The following ITSN1 variants were observed in gnomAD, a reference collection of about 807,000 sequenced individuals.
The protein encoded by ITSN1 is intersectin 1, also known as intersectin-1.
A neutral mutation model predicts 239.8 loss-of-function variants in ITSN1; 58 were observed. The observed-to-expected ratio is 0.24, with a 90% CI of 0.20 to 0.30. The LOEUF (loss-of-function observed/expected upper bound fraction) is 0.30. Ranked by LOEUF, ITSN1 falls within the 10% of genes least tolerant of loss-of-function variation. ITSN1 has a pLI of 1.00. For synonymous variants in ITSN1, 780 were observed against 770.8 expected, an observed-to-expected ratio of 1.01 and a Z score of -0.20; for missense variants, 1,558 against 2,103.3, an observed-to-expected ratio of 0.74 and a Z score of 5.07.
At chr21:33,748,058 C>T (rs1432946783) in intron 5 of ITSN1, among the ~76,000 whole-genome samples, 1 of 152,088 alleles carries the variant, frequency 6.6e-6, no homozygotes, top group African/African-American at 2.4e-5. Context: ...AGTAATAGCA[C>T]AGAAGAGGAG....
In ITSN1 at chr21:33,767,308, G is replaced by T. The variant is rs985407029; in HGVS notation, c.927-405G>T. ...TTCTTAGGGGGTGAAATGGAGAGAT[G>T]GGAAAGGGAAGAGAGATGCTCCTAG... On this transcript the variant is annotated intron_variant, in intron 10 of 39. Transcript: ENST00000381318. Among the ~76,000 whole-genome samples the T allele has an allele frequency of 2.6e-5, 4 of 152,166 alleles. No individual in the cohort carries two copies. In the South Asian group the frequency reaches 8.3e-4, roughly 32 times the overall value.
intron 1 of ITSN1, among the ~76,000 whole-genome samples, chr21:33,717,643 T>A (rs892400990): frequency 5.6e-4 from 85 of 151,418 alleles, no homozygotes; most frequent in Non-Finnish European, 2.9e-5. Context: ...GCAAGCTCCA[T>A]CTCCTGGGTT....
chr21:33,739,159 A>G (rs1334093770), intron 5 of ITSN1, among the ~76,000 whole-genome samples: 2 of 152,188 alleles, frequency 1.3e-5, no homozygotes, highest in African/African-American at 4.8e-5. Context: ...AGTCTGAACA[A>G]TGATTTTGTT....
chr21:33,721,529 CT>C (rs2147095287), intron 3 of ITSN1, among the ~76,000 whole-genome samples: 1 of 152,240 alleles, frequency 6.6e-6, no homozygotes, highest in South Asian at 2.1e-4. Flanking sequence ...GGACCAATGG[CT>C]CACACCTGTA....
chr21:33,847,623 G>A (rs1408952801), intron 29 of ITSN1, among the ~76,000 whole-genome samples: 1 of 152,174 alleles, frequency 6.6e-6, no homozygotes, highest in African/African-American at 2.4e-5. Context: ...GTGGCCTGAG[G>A]TGCAGCTTCA....
At chr21:33,860,592 C>T (rs562612509) in intron 31 of ITSN1, among the ~76,000 whole-genome samples, 1 of 152,262 alleles carries the variant, frequency 6.6e-6, no homozygotes, top group African/African-American at 2.4e-5. Context: ...TTCCTCCTGT[C>T]GGCTCTGACT....
chr21:33,760,770 T>C (rs1415110430), intron 8 of ITSN1, among the ~76,000 whole-genome samples: 2 of 152,184 alleles, frequency 1.3e-5, no homozygotes, highest in Admixed American at 1.3e-4. Flanking sequence ...CAAAAACATA[T>C]ACACCAGAAT....
rs748146183 is a variant in ITSN1, at chr21:33,818,332, C to T, written c.2793C>T (p.His931=). ...CTTGGAGAGCCAAAAAAGACAACCA[C>T]TTAAATTTTAACAAAAATGATGTCA... is the stretch of plus-strand genomic sequence containing the variant. The part of the protein sequence containing the change: ...LYPWRAKKDN[H]LNFNKNDVIT... The change falls in exon 23 of 40, where the codon CAC becomes CAT. Residue 931 remains histidine (H), a synonymous_variant. Coordinates refer to ENST00000381318, the MANE Select transcript of ITSN1 (RefSeq NM_003024.3). The T allele has an allele frequency of 1.2e-6, 2 of 1,614,202 alleles. No homozygotes were observed. The highest frequency in any genetic ancestry group is 2.2e-5 in the South Asian group (2 of 91,088).
At position 33,885,543 on chromosome 21, in the gene ITSN1, C is replaced by T. The variant is rs201255657; in HGVS notation, c.4843+21C>T. 2.8e-4 allele frequency: 453 copies of T among 1,604,808 alleles called. 1 individual carries two copies. The highest frequency in any genetic ancestry group is 3.5e-4 in the Non-Finnish European group (411 of 1,171,760). On this transcript the variant is annotated intron_variant, in intron 38 of 39. Transcript: ENST00000381318. Reference sequence around the variant, plus strand: ...ACATGGTAAGGCTGTGAGGCGCCCCCGGCTCCTGCTTTGGGGTTGGGAGTA... The same window carrying T: ...ACATGGTAAGGCTGTGAGGCGCCCCTGGCTCCTGCTTTGGGGTTGGGAGTA...
At position 33,642,580 on chromosome 21, in the gene ITSN1, G is replaced by T. The variant is rs1287343013; in HGVS notation, c.-166G>T. On this transcript the variant is annotated 5_prime_UTR_variant, in exon 1 of 40. Coordinates refer to ENST00000381318, the MANE Select transcript of ITSN1 (RefSeq NM_003024.3). Reference sequence around the variant, plus strand: ...ACGGCGGCTCGCGAGGAAGAATCCCGAGCGGGCTCCGGGACGGACAGAGAG... The same window carrying T: ...ACGGCGGCTCGCGAGGAAGAATCCCTAGCGGGCTCCGGGACGGACAGAGAG... 1 of 153,220 alleles carries T rather than the reference G, an allele frequency of 6.5e-6. No homozygotes were observed. Among genetic ancestry groups the T allele is most frequent in the Non-Finnish European group, 1.5e-5 (1 of 68,544 alleles). 9.5% of individuals were successfully genotyped at this position (153,220 alleles called of 1,614,324 possible). A position where few individuals can be genotyped will look rare whatever the true frequency, so the allele number is the denominator to read the frequency against.
chr21:33,870,285 GA>G (rs1399453749), intron 33 of ITSN1, among the ~76,000 whole-genome samples: 1 of 152,080 alleles, frequency 6.6e-6, no homozygotes, highest in Non-Finnish European at 1.5e-5. Context: ...ATTGCAAATT[GA>G]AGTTGAAAAC....
chr21:33,705,989 TCAAA>T (rs1415816830), intron 1 of ITSN1, among the ~76,000 whole-genome samples: 1 of 152,176 alleles, frequency 6.6e-6, no homozygotes, highest in East Asian at 1.9e-4. Context: ...TTCATACAAA[TCAAA>T]CACTGATGTC....
chr21:33,879,756 T>G (rs1297796083), intron 34 of ITSN1, among the ~76,000 whole-genome samples: 1 of 152,148 alleles, frequency 6.6e-6, no homozygotes, highest in African/African-American at 2.4e-5. Flanking sequence ...CTCGGCTCAC[T>G]GCAACCTCCA....
At position 33,897,643 on chromosome 21, in the gene ITSN1, A is replaced by C. The variant is rs1276266978; in HGVS notation, c.*9343A>C. The C allele has an allele frequency of 2.6e-5, 4 of 152,250 alleles. No homozygotes were observed. The highest frequency in any genetic ancestry group is 9.6e-5 in the African/African-American group (4 of 41,460). 9.4% of individuals were successfully genotyped at this position (152,250 alleles called of 1,614,324 possible). On this transcript the variant is annotated 3_prime_UTR_variant, in exon 40 of 40. Coordinates refer to ENST00000381318, the MANE Select transcript of ITSN1 (RefSeq NM_003024.3). ...GGTATGTAAGAGGCCATGCTGTTAA[A>C]TGTTGCATAAACTAACACAGATTCT... is the stretch of plus-strand genomic sequence containing the variant.
chr21:33,779,556 A>G (rs1015083369), intron 14 of ITSN1, among the ~76,000 whole-genome samples: 1 of 152,150 alleles, frequency 6.6e-6, no homozygotes, highest in Non-Finnish European at 1.5e-5. Context: ...CAGTTAGATC[A>G]AGTTGATTCA....
At chr21:33,676,546 T>A (rs1218476644) in intron 1 of ITSN1, among the ~76,000 whole-genome samples, 1 of 152,206 alleles carries the variant, frequency 6.6e-6, no homozygotes. Flanking sequence ...ACTTCCATGA[T>A]TTCATTTGTT....
rs2074245870 is a variant in ITSN1 at position 33,830,708 on chromosome 21, G to A, written c.3351+963G>A. 2.6e-5 allele frequency among the ~76,000 whole-genome samples: 4 copies of A among 152,238 alleles called. No individual in the cohort carries two copies. The South Asian group carries it at 8.3e-4, about 32-fold the overall frequency. ...ATTTTTGGGATAATGGACAAAATTG[G>A]GTTATGGACACTACATTAGACAAAA... On this transcript the variant is annotated intron_variant, in intron 27 of 39. Coordinates refer to ENST00000381318, the MANE Select transcript of ITSN1 (RefSeq NM_003024.3).
intron 11 of ITSN1, 153 bp from the exon 12 acceptor site, chr21:33,771,908 T>C: frequency 1.3e-6 from 1 of 761,584 alleles, no homozygotes; most frequent in Non-Finnish European, 2.1e-6. Flanking sequence ...GCAAAGGGGG[T>C]TTTCGTTGTG....
rs769166042 is a variant in ITSN1, at chr21:33,735,185, T to G, written c.327T>G (p.Ile109Met). ...TCATGAAACAGCAACCAGTTGCTAT[T>G]TCTAGCGCACCAGCATTTGGTAAGT... ...PPVMKQQPVAISSAPAFGMGG... is the reference protein window; with the variant it reads ...PPVMKQQPVAMSSAPAFGMGG... The change falls in exon 5 of 40, where the codon ATT becomes ATG. Residue 109 changes from isoleucine to methionine, a missense_variant. Physicochemically the swap from Ile to Met is conservative, Grantham distance 10. This residue lies in a region of ITSN1 where 982 missense variants were observed against 1,209.9 expected (regional missense o/e 0.81). Transcript: ENST00000381318. The G allele has an allele frequency of 2.5e-6, 4 of 1,613,578 alleles. No individual in the cohort carries two copies. The highest frequency in any genetic ancestry group is 1.7e-5 in the Admixed American group (1 of 59,990).
Sources: allele counts gnomAD v4.1 joint callset (sites outside exome capture counted in the v4.1 genomes callset), GRCh38; gene constraint gnomAD v4.1.1; regional missense constraint gnomAD v4.1.1; transcripts MANE v1.5; gene names NCBI Gene and HGNC (gene_info 2026-07-23, HGNC 2026-07-21).